The following LDAH variants were observed in gnomAD, a reference collection of about 807,000 sequenced individuals.
LDAH encodes the protein lipid droplet-associated hydrolase.
LDAH carries 26 observed loss-of-function variants against 29.6 expected under a neutral mutation model. The observed-to-expected ratio is 0.88, with a 90% CI of 0.64 to 1.22. The LOEUF (loss-of-function observed/expected upper bound fraction) is 1.22. Ranked by LOEUF, LDAH falls within the 50% of genes most tolerant of loss-of-function variation. LDAH has a pLI of 0.00. For missense variants in LDAH, 344 were observed against 387.3 expected, an observed-to-expected ratio of 0.89 and a Z score of 0.94; for synonymous variants, 117 against 133.0, an observed-to-expected ratio of 0.88 and a Z score of 0.83.
rs529783971 is a variant in LDAH, at chr2:20,684,528, C to T, written c.*2375G>A. 19 of 170,034 alleles carry T rather than the reference C, an allele frequency of 1.1e-4. No individual in the cohort carries two copies. Among genetic ancestry groups the T allele is most frequent in the East Asian group, 4.6e-4 (3 of 6,552 alleles). The allele number at this position is 170,034 out of a possible 1,614,324, so 10.5% of individuals were successfully genotyped here. ...GTGCTGGGATCACAGGTGTGAGCTA[C>T]GGCACCCAGCCTGTTTGTTTTGAAT... is the stretch of plus-strand genomic sequence containing the variant. On this transcript the variant is annotated 3_prime_UTR_variant, in exon 7 of 7. Transcript: ENST00000237822.
chr2:20,765,262 T>C (rs1474197260), intron 4 of LDAH, among the ~76,000 whole-genome samples: 1 of 152,146 alleles, frequency 6.6e-6, no homozygotes, highest in Non-Finnish European at 1.5e-5. Context: ...CTCCCCTACT[T>C]ACAGGAAAAA....
At chr2:20,772,348 A>G (rs1259517497) in intron 4 of LDAH, among the ~76,000 whole-genome samples, 1 of 152,244 alleles carries the variant, frequency 6.6e-6, no homozygotes, top group Non-Finnish European at 1.5e-5. Context: ...AGTGTTTAAG[A>G]CACCTGGAAC....
At chr2:20,719,418 A>G (rs1353099087) in intron 5 of LDAH, among the ~76,000 whole-genome samples, 3 of 151,852 alleles carry the variant, frequency 2.0e-5, no homozygotes, top group African/African-American at 7.2e-5. Context: ...GAAAAATACA[A>G]TCTACTAAAA....
chr2:20,816,498 C>G (rs1672858611), intron 1 of LDAH, among the ~76,000 whole-genome samples: 2 of 151,892 alleles, frequency 1.3e-5, no homozygotes, highest in African/African-American at 4.8e-5. Flanking sequence ...AAGTAGACTT[C>G]AGAGCAAAGA....
intron 4 of LDAH, among the ~76,000 whole-genome samples, chr2:20,751,967 C>G (rs1020637812): frequency 6.6e-6 from 1 of 152,178 alleles, no homozygotes; most frequent in African/African-American, 2.4e-5. Context: ...TAACAGCTCA[C>G]AGCAGCTTCA....
intron 2 of LDAH, among the ~76,000 whole-genome samples, chr2:20,795,276 C>T (rs1000974263): frequency 1.3e-5 from 2 of 152,136 alleles, no homozygotes; most frequent in Non-Finnish European, 2.9e-5. Context: ...TAGACTTATA[C>T]CTTCCAGTTA....
chr2:20,822,047 T>A (rs186422016), intron 1 of LDAH, among the ~76,000 whole-genome samples: 9 of 152,204 alleles, frequency 5.9e-5, no homozygotes, highest in Non-Finnish European at 1.3e-4. Flanking sequence ...ATTCTGGAGA[T>A]GCTTCTAAAT....
At chr2:20,696,995 T>C (rs753223493) in intron 6 of LDAH, among the ~76,000 whole-genome samples, 6 of 152,220 alleles carry the variant, frequency 3.9e-5, no homozygotes, top group Non-Finnish European at 7.3e-5. Context: ...TATACTTCTT[T>C]AGGCTGCTAT....
intron 3 of LDAH, among the ~76,000 whole-genome samples, chr2:20,782,306 T>C (rs1023777967): frequency 6.6e-6 from 1 of 152,230 alleles, no homozygotes; most frequent in Non-Finnish European, 1.5e-5. Flanking sequence ...CCTCTGAGTC[T>C]GTTTTCAACT....
chr2:20,822,937 TGC>T (rs1312069492), intron 1 of LDAH, 98 bp downstream of exon 1: 8 of 152,328 alleles, frequency 5.3e-5, no homozygotes, highest in Non-Finnish European at 1.2e-4. Context: ...ACAGGGGCTC[TGC>T]GAGGAACCAT....
intron 1 of LDAH, among the ~76,000 whole-genome samples, chr2:20,811,575 C>G (rs1672497489): frequency 6.6e-6 from 1 of 151,892 alleles, no homozygotes; most frequent in Non-Finnish European, 1.5e-5. Flanking sequence ...AGCTCTGCCC[C>G]CGGGGTTCAC....
intron 5 of LDAH, among the ~76,000 whole-genome samples, chr2:20,726,253 G>C (rs1014057183): frequency 6.6e-6 from 1 of 152,190 alleles, no homozygotes; most frequent in African/African-American, 2.4e-5. Context: ...GGAGCTGACT[G>C]AAAAAGAGCC....
In LDAH at chr2:20,790,113, C is replaced by A. The variant is rs769552174; in HGVS notation, c.298+142G>T. 1.4e-3 allele frequency: 1,072 copies of A among 788,310 alleles called. 2 individuals carry two copies. Among genetic ancestry groups the A allele is most frequent in the Non-Finnish European group, 1.9e-3 (959 of 500,814 alleles). 48.8% of individuals were successfully genotyped at this position (788,310 alleles called of 1,614,324 possible). On this transcript the variant is annotated intron_variant, in intron 3 of 6. Transcript: ENST00000237822. ...AAGAGTTAAAATGTCTCTAAAAATC[C>A]TAAGTTTACCAAAATATGGCACCAT...
chr2:20,749,251 AG>A (rs1299964504), intron 4 of LDAH, among the ~76,000 whole-genome samples: 1 of 152,190 alleles, frequency 6.6e-6, no homozygotes, highest in Non-Finnish European at 1.5e-5. Context: ...CTTCTCTATA[AG>A]GGTCAAGGAA....
At chr2:20,719,163 T>A in intron 5 of LDAH, among the ~76,000 whole-genome samples, 2 of 132,418 alleles carry the variant, frequency 1.5e-5, no homozygotes, top group African/African-American at 2.8e-5. Flanking sequence ...ATAATAAAGA[T>A]CAGAACAGAA....
chr2:20,709,074 C>T (rs1356127701), intron 5 of LDAH, among the ~76,000 whole-genome samples: 1 of 152,108 alleles, frequency 6.6e-6, no homozygotes, highest in South Asian at 2.1e-4. Flanking sequence ...AACATAAAAT[C>T]TGAAATCTTC....
chr2:20,785,528 G>A (rs1300874836), intron 3 of LDAH, among the ~76,000 whole-genome samples: 1 of 152,064 alleles, frequency 6.6e-6, no homozygotes, highest in East Asian at 1.9e-4. Context: ...TAGAGCCTTA[G>A]TATTGATCCT....
intron 4 of LDAH, among the ~76,000 whole-genome samples, chr2:20,766,408 C>T (rs1394584264): frequency 6.6e-6 from 1 of 152,114 alleles, no homozygotes; most frequent in Non-Finnish European, 1.5e-5. Context: ...AGGTGTGGTT[C>T]ACTATTCACT....
rs1662465035 is a variant in LDAH, at chr2:20,685,048, A to T, written c.*1855T>A. The T allele has an allele frequency of 1.7e-6, 2 of 1,185,428 alleles. No individual in the cohort carries two copies. The highest frequency in any genetic ancestry group is 2.2e-6 in the Non-Finnish European group (2 of 889,960). 73.4% of individuals were successfully genotyped at this position (1,185,428 alleles called of 1,614,324 possible). A position where few individuals can be genotyped will look rare whatever the true frequency, so the allele number is the denominator to read the frequency against. ...CCCAACACAGAGATCAGGCCAGACC[A>T]GGTCAGAAATGCTGGTAAAACATTT... is the stretch of plus-strand genomic sequence containing the variant. On this transcript the variant is annotated 3_prime_UTR_variant, in exon 7 of 7. Coordinates refer to ENST00000237822, the MANE Select transcript of LDAH (RefSeq NM_021925.4).
Sources: gnomAD v4.1 joint callset for allele counts (sites outside exome capture counted in the v4.1 genomes callset) on GRCh38, gnomAD v4.1.1 for gene constraint, MANE v1.5 for transcripts, NCBI Gene and HGNC (gene_info 2026-07-23, HGNC 2026-07-21) for gene names.